Variants in ZNF736 observed in about 807,000 individuals in gnomAD.
ZNF736 encodes KRAB-containing zinc-finger repressor protein.
A neutral mutation model predicts 11.7 loss-of-function variants in ZNF736; 6 were observed. The ratio of observed to expected loss-of-function variants is 0.51; its 90% CI spans 0.28 to 1.01. The LOEUF is 1.01. Among genes scored for constraint, ZNF736 ranks in the 50% least tolerant of loss-of-function variants. The pLI, the probability that ZNF736 is intolerant of heterozygous loss-of-function variation, is 0.09. For missense variants in ZNF736, 444 were observed against 496.0 expected, an observed-to-expected ratio of 0.90 and a Z score of 1.00; for synonymous variants, 139 against 164.7, an observed-to-expected ratio of 0.84 and a Z score of 1.19.
At chr7:64,314,423 T>G (rs1255469116) in intron 1 of ZNF736, among the ~76,000 whole-genome samples, 3 of 151,856 alleles carry the variant, frequency 2.0e-5, no homozygotes, top group Admixed American at 6.6e-5. Context: ...CAACCTCGAG[T>G]CTCCCTCCTC....
intron 3 of ZNF736, among the ~76,000 whole-genome samples, chr7:64,340,997 A>C (rs1789328949): frequency 6.7e-6 from 1 of 150,072 alleles, no homozygotes; most frequent in Non-Finnish European, 1.5e-5. Flanking sequence ...ATATCTAATA[A>C]ATTAGTTACA....
chr7:64,331,769 G>A (rs183738844), intron 1 of ZNF736, among the ~76,000 whole-genome samples: 20 of 152,272 alleles, frequency 1.3e-4, no homozygotes, highest in Admixed American at 3.3e-4. Flanking sequence ...AGATCATAGA[G>A]ACTGCTCTGC....
rs1789523768 is a variant in ZNF736, at chr7:64,354,006, T to C, written c.*4859T>C. 6.6e-6 allele frequency: 1 copy of C among 152,196 alleles called. No individual in the cohort carries two copies. Among genetic ancestry groups the C allele is most frequent in the African/African-American group, 2.4e-5 (1 of 41,458 alleles). 9.4% of individuals were successfully genotyped at this position (152,196 alleles called of 1,614,324 possible). A position where few individuals can be genotyped will look rare whatever the true frequency, so the allele number is the denominator to read the frequency against. On this transcript the variant is annotated 3_prime_UTR_variant, in exon 4 of 4. Coordinates refer to ENST00000423484, the MANE Select transcript of ZNF736 (RefSeq NM_001170905.3). ...CCCAAGGTTGTAGGTAACAATATACTATTGGGTGACAGTGGACTAACATCT... is the reference window on the plus strand; with the variant it reads ...CCCAAGGTTGTAGGTAACAATATACCATTGGGTGACAGTGGACTAACATCT...
At chr7:64,316,186 A>G (rs1245324758) in intron 1 of ZNF736, among the ~76,000 whole-genome samples, 2 of 152,236 alleles carry the variant, frequency 1.3e-5, no homozygotes, top group Non-Finnish European at 2.9e-5. Flanking sequence ...CTCCTTTCAG[A>G]GAAGAGCCTG....
intron 1 of ZNF736, among the ~76,000 whole-genome samples, chr7:64,326,423 C>T (rs1436324207): frequency 6.6e-6 from 1 of 152,222 alleles, no homozygotes; most frequent in Non-Finnish European, 1.5e-5. Flanking sequence ...TTGGCACCTT[C>T]AGACCTGAAA....
Position 64,336,376 on chromosome 7 carries a change from G to C in ZNF736, c.121G>C (p.Val41Leu). The C allele has an allele frequency of 6.2e-7, 1 of 1,611,398 alleles. No homozygotes were observed. Among genetic ancestry groups the C allele is most frequent in the Non-Finnish European group, 8.5e-7 (1 of 1,178,874 alleles). ...GATGTTAGAGAACTATGGAAACCTG[G>C]TCTCCTTGGGTGAGAATAACTTCAA... is the stretch of plus-strand genomic sequence containing the variant. ...DVMLENYGNL[V>L]SLGLAIFKPD... Residue 41 changes from valine (V) to leucine (L), a missense_variant, in exon 2 of 4, where the codon GTC becomes CTC. Transcript: ENST00000423484.
In ZNF736 at chr7:64,348,903, G is replaced by A. The variant is rs751592123; in HGVS notation, c.1040G>A (p.Gly347Asp). 5.0e-6 allele frequency: 8 copies of A among 1,608,324 alleles called. No individual in the cohort carries two copies. Among genetic ancestry groups the A allele is most frequent in the Admixed American group, 1.7e-5 (1 of 59,114 alleles). ...AAACCCTACATCTGTGAAGAATGTG[G>A]CAAAGCCTTTACCCGCTCCTCAACC... ...GEKPYICEEC[G>D]KAFTRSSTLF... Residue 347 changes from glycine to aspartate, a missense_variant, in exon 4 of 4, where the codon GGC (glycine) becomes GAC (aspartate). Coordinates refer to ENST00000423484, the MANE Select transcript of ZNF736 (RefSeq NM_001170905.3).
chr7:64,343,330 G>T (rs1313460482), intron 3 of ZNF736, among the ~76,000 whole-genome samples: 4 of 152,136 alleles, frequency 2.6e-5, no homozygotes, highest in Admixed American at 2.6e-4. Flanking sequence ...AATACTGCAT[G>T]TTCTTACTTA....
chr7:64,317,883 G>T (rs7806014), intron 1 of ZNF736, among the ~76,000 whole-genome samples: 98,290 of 151,478 alleles, frequency 0.65, 32,837 homozygotes, highest in African/African-American at 0.82. Flanking sequence ...CAAAATTGCC[G>T]TTTCTTTAAG....
intron 2 of ZNF736, among the ~76,000 whole-genome samples, 198 bp from the exon 3 acceptor site, chr7:64,336,689 G>A (rs1161455312): frequency 1.3e-5 from 2 of 152,094 alleles, no homozygotes. Flanking sequence ...TTTTGATTCA[G>A]TATTACTGGG....
rs1266415727 is a variant in ZNF736, at chr7:64,351,399, G to T, written c.*2252G>T. 3 of 152,470 alleles carry T rather than the reference G, an allele frequency of 2.0e-5. No homozygotes were observed. Among genetic ancestry groups the T allele is most frequent in the Non-Finnish European group, 4.4e-5 (3 of 68,268 alleles). 9.4% of individuals were successfully genotyped at this position (152,470 alleles called of 1,614,324 possible). A position where few individuals can be genotyped will look rare whatever the true frequency, so the allele number is the denominator to read the frequency against. On this transcript the variant is annotated 3_prime_UTR_variant, in exon 4 of 4. Coordinates refer to ENST00000423484, the MANE Select transcript of ZNF736 (RefSeq NM_001170905.3). ...GGAAGCTGCAGTATGGGGAAGAAATGTGGGCTGGTGCAGTCATAGGGGCTG... is the reference window on the plus strand; with the variant it reads ...GGAAGCTGCAGTATGGGGAAGAAATTTGGGCTGGTGCAGTCATAGGGGCTG...
At chr7:64,332,199 T>A (rs192766178) in intron 1 of ZNF736, among the ~76,000 whole-genome samples, 56 of 152,268 alleles carry the variant, frequency 3.7e-4, no homozygotes, top group African/African-American at 1.3e-3. Context: ...AACTTGCAAA[T>A]GTTTACTTCT....
At chr7:64,319,489 CTTTTTTTTTTTTT>C (rs1220637935) in intron 1 of ZNF736, among the ~76,000 whole-genome samples, 2 of 55,728 alleles carry the variant, frequency 3.6e-5, no homozygotes, top group Non-Finnish European at 6.6e-5. Context: ...CATTTCTTCC[CTTTTTTTTTTTTT>C]TTTTTTTTTT....
chr7:64,330,534 C>T (rs1789150302), intron 1 of ZNF736, among the ~76,000 whole-genome samples: 1 of 151,978 alleles, frequency 6.6e-6, no homozygotes, highest in East Asian at 1.9e-4. Context: ...TCAGAGACCT[C>T]AGGAGCTACC....
chr7:64,315,947 C>G (rs1584262837), intron 1 of ZNF736, among the ~76,000 whole-genome samples: 1 of 152,150 alleles, frequency 6.6e-6, no homozygotes, highest in African/African-American at 2.4e-5. Flanking sequence ...GCATATTTCA[C>G]AGGACAGAAA....
chr7:64,342,107 G>C (rs1221335443), intron 3 of ZNF736, among the ~76,000 whole-genome samples: 1 of 152,134 alleles, frequency 6.6e-6, no homozygotes, highest in Non-Finnish European at 1.5e-5. Flanking sequence ...TTTTTATGCT[G>C]TAAGGATCTA....
At chr7:64,333,082 G>T (rs1022833783) in intron 1 of ZNF736, among the ~76,000 whole-genome samples, 3 of 152,168 alleles carry the variant, frequency 2.0e-5, no homozygotes, top group Non-Finnish European at 4.4e-5. Context: ...GTAAAGACAG[G>T]CATAAGAAAT....
At chr7:64,344,283 C>T (rs938807984) in intron 3 of ZNF736, among the ~76,000 whole-genome samples, 3 of 152,146 alleles carry the variant, frequency 2.0e-5, no homozygotes, top group Non-Finnish European at 4.4e-5. Flanking sequence ...GCCTGGGCTT[C>T]AAGAGCAAAA....
intron 1 of ZNF736, among the ~76,000 whole-genome samples, chr7:64,332,593 A>G (rs605615): frequency 0.98 from 148,435 of 152,166 alleles, 72,472 homozygotes; most frequent in Non-Finnish European, 1. Context: ...CAGAGAACCC[A>G]TCTGACCACA....
Sources: allele counts gnomAD v4.1 joint callset (sites outside exome capture counted in the v4.1 genomes callset), GRCh38; gene constraint gnomAD v4.1.1; transcripts MANE v1.5; gene names NCBI Gene and HGNC (gene_info 2026-07-23, HGNC 2026-07-21).